Variants in ANKRD11 observed in about 807,000 individuals in gnomAD.
ANKRD11 encodes ankyrin repeat domain-containing protein 11.
In ANKRD11, 17 loss-of-function variants were observed where a neutral mutation model predicts 195.7. That is an observed-to-expected ratio of 0.09 (90% CI 0.06 to 0.13). The LOEUF (loss-of-function observed/expected upper bound fraction) is 0.13. ANKRD11 is among the 10% of genes least tolerant of loss of function. The probability of loss-of-function intolerance (pLI) is 1.00; values close to 1 mark genes in which losing one functional copy is unlikely to be tolerated. For missense variants in ANKRD11, 3,735 were observed against 3,566.1 expected (o/e 1.05, Z -1.21); for synonymous variants, 1,953 against 1,528.1 (o/e 1.28, Z -6.49).
chr16:89,479,770 C>G (rs950526530), intron 1 of ANKRD11, among the ~76,000 whole-genome samples: 1 of 151,742 alleles, frequency 6.6e-6, no homozygotes, highest in Non-Finnish European at 1.5e-5. Context: ...GGTGAGACCC[C>G]ATCTCCACTA....
intron 9 of ANKRD11, among the ~76,000 whole-genome samples, chr16:89,275,740 G>A (rs1437883465): frequency 2.6e-5 from 4 of 152,218 alleles, no homozygotes; most frequent in Non-Finnish European, 2.9e-5. Context: ...GGCCGGAAGC[G>A]CAGGCACTGC....
chr16:89,317,190 G>C, intron 2 of ANKRD11, 112 bp from the exon 3 acceptor site: 1 of 821,464 alleles, frequency 1.2e-6, no homozygotes, highest in Non-Finnish European at 2.0e-6. Flanking sequence ...CAGCTGCTCT[G>C]ATCAGGGCTG....
At chr16:89,399,031 C>T (rs545759688) in intron 2 of ANKRD11, among the ~76,000 whole-genome samples, 20 of 152,320 alleles carry the variant, frequency 1.3e-4, no homozygotes, top group Admixed American at 1.1e-3. Context: ...CTCTGTGAGA[C>T]GCAGTTTCCA....
rs16965536 is a variant in ANKRD11 at position 89,288,292 on chromosome 16, C to T, written c.744+236G>A. On this transcript the variant is annotated intron_variant, in intron 7 of 12. Transcript: ENST00000301030. ...ACCAGACCTACACGGCTAGCGGATA[C>T]GAGCCTTTCATAGATGGCACTTGCT... 1,733 of 683,192 alleles carry T rather than the reference C, an allele frequency of 2.5e-3. 19 individuals are homozygous for T. The African/African-American group carries it at 0.026, about 10-fold the overall frequency. 42.3% of individuals were successfully genotyped at this position (683,192 alleles called of 1,614,324 possible).
chr16:89,358,361 C>A (rs578113088), intron 2 of ANKRD11, among the ~76,000 whole-genome samples: 8 of 152,246 alleles, frequency 5.3e-5, no homozygotes, highest in Admixed American at 2.0e-4. Context: ...ACAGCTTCCA[C>A]GTTTGCAAAC....
chr16:89,291,373 C>T lies in ANKRD11; in HGVS notation c.227-190G>A, dbSNP rs2035053274. The stretch of plus-strand genomic sequence containing the variant: ...TGGTGCCGCCCACCTCACCTCTCAG[C>T]AGTGACTGTGAGACCATTTAAACAC... On this transcript the variant is annotated intron_variant, in intron 4 of 12. Transcript: ENST00000301030. This position sits in a 1 kb window ranked among gnomAD's most constrained non-coding sequence, Gnocchi z 5.3. Among the ~76,000 whole-genome samples, 2 of 152,194 alleles carry T rather than the reference C, an allele frequency of 1.3e-5. No homozygotes were observed. Among genetic ancestry groups the T allele is most frequent in the Non-Finnish European group, 2.9e-5 (2 of 68,034 alleles).
At chr16:89,294,960 C>T (rs2035319780) in intron 4 of ANKRD11, among the ~76,000 whole-genome samples, 1 of 152,246 alleles carries the variant, frequency 6.6e-6, no homozygotes, top group Non-Finnish European at 1.5e-5. Flanking sequence ...CTAGGACAGC[C>T]AGCAAGTTCC....
At chr16:89,292,909 C>G (rs1279933092) in intron 4 of ANKRD11, among the ~76,000 whole-genome samples, 1 of 152,212 alleles carries the variant, frequency 6.6e-6, no homozygotes, top group African/African-American at 2.4e-5. Flanking sequence ...GGCCGGCCCT[C>G]CCCAGGCTTG....
At chr16:89,391,209 C>T (rs146630141) in intron 2 of ANKRD11, among the ~76,000 whole-genome samples, 3,552 of 133,532 alleles carry the variant, frequency 0.027, 154 homozygotes, top group African/African-American at 0.096. Flanking sequence ...GCCTGGGCGA[C>T]AGAGCGAGAC....
In ANKRD11 at chr16:89,291,937, G is replaced by C. The variant is rs895781625; in HGVS notation, c.227-754C>G. The C allele has an allele frequency of 6.8e-5, 29 of 429,088 alleles. No individual in the cohort carries two copies. The highest frequency in any genetic ancestry group is 1.2e-4 in the Non-Finnish European group (27 of 224,218). The allele number at this position is 429,088 out of a possible 1,614,324, so 26.6% of individuals were successfully genotyped here. ...CTCACGTGCTGTGTCTTTTAAAAGA[G>C]GCAGGAGGCAGGGGCGGGGAAGAGA... On this transcript the variant is annotated intron_variant, in intron 4 of 12. Coordinates refer to ENST00000301030, the MANE Select transcript of ANKRD11 (RefSeq NM_013275.6). This position sits in a 1 kb window ranked among gnomAD's most constrained non-coding sequence, Gnocchi z 5.3.
intron 1 of ANKRD11, among the ~76,000 whole-genome samples, chr16:89,452,414 A>G (rs1458752308): frequency 1.3e-5 from 2 of 152,092 alleles, no homozygotes; most frequent in Non-Finnish European, 2.9e-5. Flanking sequence ...AGGAACCCCA[A>G]GTTCTCTCCC....
chr16:89,364,807 C>T (rs2039878608), intron 2 of ANKRD11, among the ~76,000 whole-genome samples: 2 of 152,226 alleles, frequency 1.3e-5, no homozygotes, highest in Admixed American at 1.3e-4. Context: ...CTCATCTCGG[C>T]TCCAAGTGGA....
intron 1 of ANKRD11, among the ~76,000 whole-genome samples, chr16:89,431,894 G>T (rs1190937367): frequency 6.6e-6 from 1 of 151,986 alleles, no homozygotes; most frequent in Non-Finnish European, 1.5e-5. Context: ...CTTGCTGCAG[G>T]GCACCACTGT....
chr16:89,413,431 C>T (rs2152214905), intron 2 of ANKRD11, among the ~76,000 whole-genome samples: 1 of 152,222 alleles, frequency 6.6e-6, no homozygotes, highest in South Asian at 2.1e-4. Context: ...CGACACCATC[C>T]TAGCTAACAC....
At chr16:89,461,555 G>T (rs2056670639) in intron 1 of ANKRD11, among the ~76,000 whole-genome samples, 1 of 152,184 alleles carries the variant, frequency 6.6e-6, no homozygotes, top group Non-Finnish European at 1.5e-5. Flanking sequence ...TGCCCAGGCT[G>T]GTCTCAAACG....
At chr16:89,436,388 C>T (rs1037735591) in intron 1 of ANKRD11, among the ~76,000 whole-genome samples, 1 of 150,814 alleles carries the variant, frequency 6.6e-6, no homozygotes, top group Non-Finnish European at 1.5e-5. Flanking sequence ...GCACTCCAGC[C>T]TGGGCAACAG....
intron 2 of ANKRD11, among the ~76,000 whole-genome samples, chr16:89,348,454 G>A (rs1263973737): frequency 1.3e-5 from 2 of 152,152 alleles, no homozygotes; most frequent in Admixed American, 6.5e-5. Context: ...GTATCAAGGT[G>A]TCCCTGACTC....
At chr16:89,398,439 G>A (rs2041554876) in intron 2 of ANKRD11, among the ~76,000 whole-genome samples, 1 of 136,454 alleles carries the variant, frequency 7.3e-6, no homozygotes, top group African/African-American at 2.9e-5. Flanking sequence ...GAGGGACACT[G>A]TGAAACAGCT....
chr16:89,382,113 C>T (rs937505319), intron 2 of ANKRD11, among the ~76,000 whole-genome samples: 3 of 152,158 alleles, frequency 2.0e-5, no homozygotes, highest in African/African-American at 4.8e-5. Flanking sequence ...GAGGGGGACG[C>T]GGCCTCCCAG....
Sources: gnomAD v4.1 joint callset for allele counts (sites outside exome capture counted in the v4.1 genomes callset) on GRCh38, gnomAD v4.1.1 for gene constraint, Gnocchi (gnomAD v3.1) non-coding constraint, MANE v1.5 for transcripts, NCBI Gene and HGNC (gene_info 2026-07-23, HGNC 2026-07-21) for gene names.